Variants in ADIPOR2 observed in about 807,000 individuals in gnomAD.
ADIPOR2 encodes adiponectin receptor protein 2.
Under a neutral mutation model 40.9 loss-of-function variants are expected in ADIPOR2, and 18 were observed. The observed-to-expected ratio is 0.44, with a 90% confidence interval of 0.30 to 0.65. ADIPOR2 has a LOEUF of 0.65. ADIPOR2 is among the 30% of genes least tolerant of loss of function. ADIPOR2 has a pLI of 0.09. For missense variants in ADIPOR2, 283 were observed against 479.2 expected (o/e 0.59, Z 3.82); for synonymous variants, 165 against 166.4 (o/e 0.99, Z 0.06).
intron 1 of ADIPOR2, among the ~76,000 whole-genome samples, chr12:1,737,428 A>G (rs1195420442): frequency 1.3e-5 from 2 of 152,076 alleles, no homozygotes; most frequent in Non-Finnish European, 2.9e-5. Flanking sequence ...GTTTCAAATT[A>G]AGTCATTTCC....
At chr12:1,729,617 G>GTT (rs56921758) in intron 1 of ADIPOR2, among the ~76,000 whole-genome samples, 9,196 of 87,632 alleles carry the variant, frequency 0.1, 378 homozygotes, top group African/African-American at 0.15. Flanking sequence ...TCAGCCAGTT[G>GTT]TTTTTTTTTT....
intron 1 of ADIPOR2, among the ~76,000 whole-genome samples, chr12:1,725,483 A>G (rs1045319202): frequency 1.1e-4 from 17 of 152,366 alleles, no homozygotes; most frequent in African/African-American, 4.1e-4. Context: ...GTATACATGT[A>G]AAATGATGCT....
At chr12:1,727,811 C>T (rs967044685) in intron 1 of ADIPOR2, among the ~76,000 whole-genome samples, 1 of 151,776 alleles carries the variant, frequency 6.6e-6, no homozygotes. Flanking sequence ...GGGGAGCGGT[C>T]CCCTACAGGC....
intron 1 of ADIPOR2, among the ~76,000 whole-genome samples, chr12:1,702,114 C>T (rs757172516): frequency 2.7e-5 from 4 of 150,000 alleles, no homozygotes; most frequent in Non-Finnish European, 5.9e-5. Flanking sequence ...GAGCGAAACT[C>T]CATCTTAAAA....
intron 1 of ADIPOR2, among the ~76,000 whole-genome samples, chr12:1,728,842 G>T (rs9739162): frequency 0.47 from 70,626 of 151,754 alleles, 16,754 homozygotes; most frequent in Non-Finnish European, 0.53. Flanking sequence ...GAACTCTTCT[G>T]ATTTACAGAT....
chr12:1,694,828 T>G (rs1360111862), intron 1 of ADIPOR2, among the ~76,000 whole-genome samples: 2 of 152,174 alleles, frequency 1.3e-5, no homozygotes, highest in Non-Finnish European at 2.9e-5. Context: ...TTTAGCAGCT[T>G]TAGATGTACA....
intron 1 of ADIPOR2, among the ~76,000 whole-genome samples, chr12:1,721,148 A>G (rs1356383176): frequency 6.6e-6 from 1 of 151,142 alleles, no homozygotes; most frequent in African/African-American, 2.4e-5. Context: ...ACATGTTGTC[A>G]GGACTTCCTG....
chr12:1,732,387 C>A (rs891918609), intron 1 of ADIPOR2, among the ~76,000 whole-genome samples: 2 of 152,176 alleles, frequency 1.3e-5, no homozygotes, highest in Non-Finnish European at 1.5e-5. Context: ...TCCAAAATGT[C>A]ATATAATTGG....
chr12:1,757,618 A>T, intron 2 of ADIPOR2: 2 of 1,274,238 alleles, frequency 1.6e-6, no homozygotes, highest in Non-Finnish European at 2.3e-6. Context: ...CAGATGAGGG[A>T]TTCCTTTTGT....
At chr12:1,705,254 G>C (rs2094659768) in intron 1 of ADIPOR2, among the ~76,000 whole-genome samples, 1 of 152,078 alleles carries the variant, frequency 6.6e-6, no homozygotes, top group South Asian at 2.1e-4. Context: ...ATTTATGGAA[G>C]GAAGTCTTTA....
intron 1 of ADIPOR2, chr12:1,730,890 AG>A (rs1450591001): frequency 1.2e-5 from 1 of 81,688 alleles, no homozygotes; most frequent in Non-Finnish European, 2.9e-5. Context: ...TAAAAGTTTA[AG>A]TTATCAGCTC....
At chr12:1,716,187 C>A (rs1248910422) in intron 1 of ADIPOR2, among the ~76,000 whole-genome samples, 1 of 152,192 alleles carries the variant, frequency 6.6e-6, no homozygotes. Flanking sequence ...GTTTTGACGA[C>A]TTTACTATGT....
chr12:1,780,498 A>G lies in ADIPOR2; in HGVS notation c.511A>G (p.Asn171Asp). The G allele has an allele frequency of 6.2e-7, 1 of 1,613,628 alleles. No individual in the cohort carries two copies. The highest frequency in any genetic ancestry group is 8.5e-7 in the Non-Finnish European group (1 of 1,179,844). The change falls in exon 5 of 8, where the codon AAT (asparagine) becomes GAT (aspartate). Residue 171 changes from asparagine (N) to aspartate (D), a missense_variant. Transcript: ENST00000357103. ...GGGGATCTTTTATATGTTTCGCCCAAATATCTCCTTTGTGGCCCCTCTGCA... is the reference window on the plus strand; with the variant it reads ...GGGGATCTTTTATATGTTTCGCCCAGATATCTCCTTTGTGGCCCCTCTGCA... ...CLGIFYMFRP[N>D]ISFVAPLQEK...
At chr12:1,742,802 G>C (rs138408541) in intron 1 of ADIPOR2, among the ~76,000 whole-genome samples, 125 of 152,298 alleles carry the variant, frequency 8.2e-4, no homozygotes, top group African/African-American at 3.0e-3. Flanking sequence ...ATTTCCATCT[G>C]TTGTTGGTTG....
intron 1 of ADIPOR2, among the ~76,000 whole-genome samples, chr12:1,698,811 A>T (rs549197124): frequency 2.0e-5 from 3 of 152,314 alleles, no homozygotes; most frequent in South Asian, 4.1e-4. Context: ...GGTCACAGCA[A>T]TGTAAACTCT....
chr12:1,745,228 C>CAT (rs1274626696), intron 1 of ADIPOR2, among the ~76,000 whole-genome samples: 2 of 152,100 alleles, frequency 1.3e-5, no homozygotes, highest in Non-Finnish European at 2.9e-5. Context: ...TCTTGGTACC[C>CAT]ATTGCTTTGT....
intron 1 of ADIPOR2, among the ~76,000 whole-genome samples, chr12:1,703,528 G>A (rs952797753): frequency 6.6e-6 from 1 of 152,058 alleles, no homozygotes; most frequent in Non-Finnish European, 1.5e-5. Context: ...TTGAGCCCAA[G>A]GGTTCGAGAC....
intron 1 of ADIPOR2, among the ~76,000 whole-genome samples, chr12:1,747,158 C>T (rs1393327514): frequency 6.6e-6 from 1 of 151,842 alleles, no homozygotes; most frequent in Non-Finnish European, 1.5e-5. Flanking sequence ...CACTCAGTAG[C>T]TATTTTTCTC....
chr12:1,695,354 T>TAAA (rs1203407503), intron 1 of ADIPOR2, among the ~76,000 whole-genome samples: 2 of 140,376 alleles, frequency 1.4e-5, no homozygotes, highest in Non-Finnish European at 1.6e-5. Context: ...CTCTGTCTCT[T>TAAA]AAAAAAAAAA....
Sources: allele counts gnomAD v4.1 joint callset (sites outside exome capture counted in the v4.1 genomes callset), GRCh38; gene constraint gnomAD v4.1.1; transcripts MANE v1.5; gene names NCBI Gene and HGNC (gene_info 2026-07-23, HGNC 2026-07-21).